The following CDH26 variants were observed in gnomAD, a reference collection of about 807,000 sequenced individuals.
CDH26 encodes the protein cadherin-like protein 26.
CDH26 carries 83 observed loss-of-function variants against 90.3 expected under a neutral mutation model. The ratio of observed to expected loss-of-function variants is 0.92; its 90% CI spans 0.77 to 1.10. The LOEUF (loss-of-function observed/expected upper bound fraction) is 1.10. Ranked by LOEUF, CDH26 falls within the 50% of genes least tolerant of loss-of-function variation. The pLI is 0.00. For synonymous variants in CDH26, 397 were observed against 396.3 expected, an observed-to-expected ratio of 1.00 and a Z score of -0.02; for missense variants, 1,013 against 1,037.6, an observed-to-expected ratio of 0.98 and a Z score of 0.33.
At chr20:59,990,595 A>G (rs2061515980) in intron 9 of CDH26, among the ~76,000 whole-genome samples, 2 of 152,238 alleles carry the variant, frequency 1.3e-5, no homozygotes, top group Admixed American at 6.5e-5. Flanking sequence ...GCAAAATATA[A>G]TGAAATGGAA....
chr20:60,035,786 C>G (rs976734896), downstream of CDH26, among the ~76,000 whole-genome samples: 1 of 152,060 alleles, frequency 6.6e-6, no homozygotes, highest in African/African-American at 2.4e-5. Flanking sequence ...ATTTGGGGCT[C>G]TTCCCCACTT....
intron 1 of CDH26, among the ~76,000 whole-genome samples, chr20:59,960,402 C>CAG (rs1347882771): frequency 1.3e-5 from 2 of 151,836 alleles, no homozygotes; most frequent in African/African-American, 4.8e-5. Flanking sequence ...AAAACACACA[C>CAG]ACACACACAC....
Position 59,999,606 on chromosome 20 carries a change from C to T in CDH26, c.2040C>T (p.Gly680=), listed in dbSNP as rs1422899742. Reference sequence around the variant, plus strand: ...TACAGACATGGTCAGATGTTGAAGGCCAGAGGCCGGCTCTGCTCATCTGCA... The same window carrying T: ...TACAGACATGGTCAGATGTTGAAGGTCAGAGGCCGGCTCTGCTCATCTGCA... ...TSAQTWSDVE[G]QRPALLICTA... Residue 680 remains glycine, a synonymous_variant, in exon 14 of 18, where the codon GGC becomes GGT. Transcript: ENST00000348616. 1 of 1,614,094 alleles carries T rather than the reference C, an allele frequency of 6.2e-7. No homozygotes were observed. The highest frequency in any genetic ancestry group is 1.7e-5 in the Admixed American group (1 of 60,028).
At position 59,992,596 on chromosome 20, in the gene CDH26, C is replaced by T. The variant is rs2061542176; in HGVS notation, c.1426+76C>T. The T allele has an allele frequency of 7.0e-7, 1 of 1,429,398 alleles. No individual in the cohort carries two copies. Among genetic ancestry groups the T allele is most frequent in the Admixed American group, 1.7e-5 (1 of 58,336 alleles). 88.5% of individuals were successfully genotyped at this position (1,429,398 alleles called of 1,614,324 possible). ...GCGGGAAAATAACCCTGGTGAGCGT[C>T]TTTCAGCACAGCAGAGAAAAGGATA... On this transcript the variant is annotated intron_variant, in intron 10 of 17. Transcript: ENST00000348616. The surrounding 1 kb of genome is among the most constrained non-coding windows in gnomAD (Gnocchi z 5.0).
Position 59,987,598 on chromosome 20 carries a change from C to T in CDH26, c.983C>T (p.Thr328Ile). 5 of 1,613,834 alleles carry T rather than the reference C, an allele frequency of 3.1e-6. No individual in the cohort carries two copies. The highest frequency in any genetic ancestry group is 1.7e-4 in the Middle Eastern group (1 of 6,058). ...GAAGAGGGGCATTTTGACATTTCGACTGACCCTGAGACCAACGAAGGGATA... is the reference window on the plus strand; with the variant it reads ...GAAGAGGGGCATTTTGACATTTCGATTGACCCTGAGACCAACGAAGGGATA... ...GNEEGHFDIS[T>I]DPETNEGILN... The change falls in exon 8 of 18, where the codon ACT becomes ATT. Residue 328 changes from threonine (T) to isoleucine (I), a missense_variant. Coordinates refer to ENST00000348616, the MANE Select transcript of CDH26 (RefSeq NM_177980.4).
intron 14 of CDH26, among the ~76,000 whole-genome samples, chr20:60,000,800 C>T: frequency 6.6e-6 from 1 of 152,188 alleles, no homozygotes; most frequent in East Asian, 1.9e-4. Context: ...CATTCACACA[C>T]TTTCTCTAAG....
intron 1 of CDH26, among the ~76,000 whole-genome samples, chr20:59,961,356 C>A (rs2061070891): frequency 6.6e-6 from 1 of 152,126 alleles, no homozygotes; most frequent in South Asian, 2.1e-4. Flanking sequence ...ATGACAGCAG[C>A]TTTATGTAGA....
downstream of CDH26, among the ~76,000 whole-genome samples, chr20:60,034,607 C>T (rs1405009633): frequency 6.6e-6 from 1 of 152,196 alleles, no homozygotes; most frequent in African/African-American, 2.4e-5. Flanking sequence ...GCAGTGTGGG[C>T]GCCAGGGCCC....
At chr20:60,011,656 A>C (rs937017807) in intron 17 of CDH26, among the ~76,000 whole-genome samples, 4 of 152,156 alleles carry the variant, frequency 2.6e-5, no homozygotes, top group Admixed American at 2.0e-4. Context: ...CTCCAGTAGA[A>C]CTTAATTTAC....
Position 60,001,547 on chromosome 20 carries a change from G to A in CDH26, c.2166+136G>A. On this transcript the variant is annotated intron_variant, in intron 15 of 17. Transcript: ENST00000348616. Reference sequence around the variant, plus strand: ...CACATAGTCAATGAAAATCTGAGAAGCTGGGCTTTTTCCACCCGACTCTAT... The same window carrying A: ...CACATAGTCAATGAAAATCTGAGAAACTGGGCTTTTTCCACCCGACTCTAT... 1.4e-6 allele frequency: 2 copies of A among 1,420,066 alleles called. 1 individual carries two copies. Among genetic ancestry groups the A allele is most frequent in the South Asian group, 3.0e-5 (2 of 65,780 alleles). 88.0% of individuals were successfully genotyped at this position (1,420,066 alleles called of 1,614,324 possible). A position where few individuals can be genotyped will look rare whatever the true frequency, so the allele number is the denominator to read the frequency against.
chr20:60,032,246 A>G (rs2088814177), intron 8 of CDH26, among the ~76,000 whole-genome samples: 2 of 152,206 alleles, frequency 1.3e-5, no homozygotes, highest in Admixed American at 1.3e-4. Context: ...GGCAAAGTCC[A>G]GTAAGTGCAC....
At chr20:60,009,928 C>G in intron 17 of CDH26, among the ~76,000 whole-genome samples, 1 of 152,182 alleles carries the variant, frequency 6.6e-6, no homozygotes, top group Middle Eastern at 3.4e-3. Flanking sequence ...CTGGTTTTGC[C>G]GTAAAAACTT....
intron 7 of CDH26, among the ~76,000 whole-genome samples, chr20:60,025,681 A>G (rs1204606699): frequency 6.6e-6 from 1 of 152,206 alleles, no homozygotes; most frequent in Admixed American, 6.5e-5. Context: ...GCCCTTGGGC[A>G]TACCTGTTTT....
At chr20:60,003,251 T>A (rs1228723261) in intron 16 of CDH26, among the ~76,000 whole-genome samples, 1 of 152,188 alleles carries the variant, frequency 6.6e-6, no homozygotes, top group Non-Finnish European at 1.5e-5. Flanking sequence ...ATTCTTCTTT[T>A]CAAATGAGAT....
At chr20:60,000,448 CT>C in intron 14 of CDH26, among the ~76,000 whole-genome samples, 1 of 152,224 alleles carries the variant, frequency 6.6e-6, no homozygotes, top group Non-Finnish European at 1.5e-5. Flanking sequence ...GACCACTAGT[CT>C]GTGCTCCTGG....
chr20:59,984,824 T>C lies in CDH26; in HGVS notation c.708+19T>C. On this transcript the variant is annotated intron_variant, in intron 6 of 17. Coordinates refer to ENST00000348616, the MANE Select transcript of CDH26 (RefSeq NM_177980.4). ...TTATGAGGTTATGTGGATTTTATTA[T>C]TTTTTTTAAATGAAATGTGTGGCCC... 8 of 1,579,688 alleles carry C rather than the reference T, an allele frequency of 5.1e-6. No individual in the cohort carries two copies. Among genetic ancestry groups the C allele is most frequent in the South Asian group, 1.2e-5 (1 of 85,498 alleles).
rs71228705 is a variant in CDH26, at chr20:60,021,897, C to CATATATAT, written c.948-9321_948-9314dup. ...ACACACACACACACACACACACACA[C>CATATATAT]ATATATATATATATATATATCCTGA... On this transcript the variant is annotated intron_variant, in intron 7 of 8. Transcript: ENST00000370991. Among the ~76,000 whole-genome samples the CATATATAT allele has an allele frequency of 4.6e-4, 36 of 78,998 alleles. 5 individuals carry two copies. Among genetic ancestry groups the CATATATAT allele is most frequent in the South Asian group, 1.3e-3 (3 of 2,270 alleles). 51.8% of individuals were successfully genotyped at this position (78,998 alleles called of 152,430 possible). A position where few individuals can be genotyped will look rare whatever the true frequency, so the allele number is the denominator to read the frequency against.
intron 10 of CDH26, among the ~76,000 whole-genome samples, chr20:59,993,958 C>T (rs570490303): frequency 1.9e-4 from 29 of 152,276 alleles, no homozygotes; most frequent in African/African-American, 6.5e-4. Context: ...CCCACCCATC[C>T]TTGATGCCTG....
intron 4 of CDH26, among the ~76,000 whole-genome samples, chr20:59,977,407 C>T (rs2061340101): frequency 6.6e-6 from 1 of 152,122 alleles, no homozygotes; most frequent in Non-Finnish European, 1.5e-5. Context: ...CAGCCTTCAA[C>T]AAACAAAAGC....
Sources: gnomAD v4.1 joint callset for allele counts (sites outside exome capture counted in the v4.1 genomes callset) on GRCh38, gnomAD v4.1.1 for gene constraint, Gnocchi (gnomAD v3.1) non-coding constraint, MANE v1.5 for transcripts, NCBI Gene and HGNC (gene_info 2026-07-23, HGNC 2026-07-21) for gene names.